PDE9A: variants seen among roughly 807,000 people sequenced by gnomAD.
PDE9A encodes phosphodiesterase 9A, also known as high affinity cGMP-specific 3',5'-cyclic phosphodiesterase 9A.
Under a neutral mutation model 87.4 loss-of-function variants are expected in PDE9A, and 60 were observed. The observed-to-expected ratio is 0.69, with a 90% CI of 0.56 to 0.85. The LOEUF (loss-of-function observed/expected upper bound fraction) is 0.85. PDE9A is among the 40% of genes least tolerant of loss of function. The probability of loss-of-function intolerance (pLI) is 0.00; values close to 1 mark genes in which losing one functional copy is unlikely to be tolerated. For missense variants in PDE9A, 665 were observed against 779.0 expected, an observed-to-expected ratio of 0.85 and a Z score of 1.74; for synonymous variants, 272 against 279.4, an observed-to-expected ratio of 0.97 and a Z score of 0.27.
At chr21:42,661,889 G>T (rs1364530221) in intron 1 of PDE9A, among the ~76,000 whole-genome samples, 1 of 152,192 alleles carries the variant, frequency 6.6e-6, no homozygotes, top group African/African-American at 2.4e-5. Flanking sequence ...GCTGCCCAGG[G>T]AAGACAGATG....
intron 2 of PDE9A, 71 bp downstream of exon 2, chr21:42,686,333 G>A (rs2059470067): frequency 1.5e-6 from 2 of 1,308,012 alleles, no homozygotes; most frequent in Non-Finnish European, 2.2e-6. Flanking sequence ...TGGCTGGGAG[G>A]GGCGGGAAGA....
Position 42,731,781 on chromosome 21 carries a change from G to C in PDE9A, c.274G>C (p.Asp92His), listed in dbSNP as rs2051786970. ...CCTGCTTTTTATAGCTGGTGTCGAGGACAAGAGAACCACAAGCCGTGGCCA... is the reference window on the plus strand; with the variant it reads ...CCTGCTTTTTATAGCTGGTGTCGAGCACAAGAGAACCACAAGCCGTGGCCA... ...AIKQLSAGVE[D>H]KRTTSRGQSA... is the part of the protein sequence containing the mutation. Residue 92 changes from aspartate to histidine, a missense_variant, in exon 5 of 20, where the codon GAC (aspartate) becomes CAC (histidine). Physicochemically the swap from Asp to His is moderately conservative, Grantham distance 81 (BLOSUM62 -1). Coordinates refer to ENST00000291539, the MANE Select transcript of PDE9A (RefSeq NM_002606.3). 3.7e-6 allele frequency: 6 copies of C among 1,612,792 alleles called. No individual in the cohort carries two copies. Among genetic ancestry groups the C allele is most frequent in the Admixed American group, 3.4e-5 (2 of 59,688 alleles).
At chr21:42,683,873 C>A (rs768222743) in intron 1 of PDE9A, among the ~76,000 whole-genome samples, 33 of 152,310 alleles carry the variant, frequency 2.2e-4, no homozygotes, top group East Asian at 3.9e-4. Context: ...GGATGTGGTG[C>A]CCTTTGTGCC....
At chr21:42,725,002 A>G (rs2050890438) in intron 4 of PDE9A, among the ~76,000 whole-genome samples, 1 of 152,172 alleles carries the variant, frequency 6.6e-6, no homozygotes, top group African/African-American at 2.4e-5. Flanking sequence ...CGCTGCTGTA[A>G]TGATGCATGC....
intron 10 of PDE9A, among the ~76,000 whole-genome samples, chr21:42,754,918 C>T (rs1056004090): frequency 1.3e-5 from 2 of 152,108 alleles, no homozygotes; most frequent in African/African-American, 4.8e-5. Flanking sequence ...TCTTTATTAA[C>T]AGTGTGAGAA....
chr21:42,758,943 G>A lies in PDE9A; in HGVS notation c.811-56G>A. On this transcript the variant is annotated intron_variant, in intron 10 of 19. Transcript: ENST00000291539. ...GGACAGCAGAGGGAAGGAAGCCAGG[G>A]GCTGGGGAGCCGGCCACACAACTGC... 4 of 1,370,642 alleles carry A rather than the reference G, an allele frequency of 2.9e-6. No homozygotes were observed. In the South Asian group the frequency reaches 3.5e-5, roughly 12 times the overall value. The allele number at this position is 1,370,642 out of a possible 1,614,324, so 84.9% of individuals were successfully genotyped here.
intron 19 of PDE9A, among the ~76,000 whole-genome samples, chr21:42,774,155 A>G (rs1296043322): frequency 6.6e-6 from 1 of 152,218 alleles, no homozygotes; most frequent in African/African-American, 2.4e-5. Context: ...AAATAAATAA[A>G]CAATAAATAA....
chr21:42,739,435 G>C lies in PDE9A; in HGVS notation c.569-4341G>C, dbSNP rs973360248. On this transcript the variant is annotated intron_variant, in intron 7 of 19. Coordinates refer to ENST00000291539, the MANE Select transcript of PDE9A (RefSeq NM_002606.3). The surrounding 1 kb of genome is among the most constrained non-coding windows in gnomAD (Gnocchi z 4.1). ...CAGGGAGTGAGGAGGCAGGACCCCC[G>C]GGGACACAGGCACACACATCCACCA... is the stretch of plus-strand genomic sequence containing the variant. 2.6e-5 allele frequency among the ~76,000 whole-genome samples: 4 copies of C among 152,282 alleles called. No homozygotes were observed. Among genetic ancestry groups the C allele is most frequent in the South Asian group, 2.1e-4 (1 of 4,828 alleles).
rs2284959 is a variant in PDE9A, at chr21:42,675,580, G to A, written c.70-10612G>A. On this transcript the variant is annotated intron_variant, in intron 1 of 19. Coordinates refer to ENST00000291539, the MANE Select transcript of PDE9A (RefSeq NM_002606.3). The surrounding 1 kb of genome is among the most constrained non-coding windows in gnomAD (Gnocchi z 4.3). ...TACCGCCAACCTGCTTTCCGACAGCGCTGTGTGGATACACGGGCCCGAACG... is the reference window on the plus strand; with the variant it reads ...TACCGCCAACCTGCTTTCCGACAGCACTGTGTGGATACACGGGCCCGAACG... Among the ~76,000 whole-genome samples, 11,366 of 152,284 alleles carry A rather than the reference G, an allele frequency of 0.075. 671 individuals are homozygous for A. The highest frequency in any genetic ancestry group is 0.33 in the East Asian group (1,694 of 5,162).
rs756467116 is a variant in PDE9A, at chr21:42,686,237, T to C, written c.115T>C (p.Phe39Leu). ...CAACTCCAGCGACATCATGGACCTG[T>C]TCTGCATCGCCACCGGCCTGCCTCG... ...YCNSSDIMDL[F>L]CIATGLPRNT... Residue 39 changes from phenylalanine (F) to leucine (L), a missense_variant, in exon 2 of 20, where the codon TTC becomes CTC. Phe to Leu is a conservative substitution (Grantham distance 22). Transcript: ENST00000291539. 4 of 1,613,750 alleles carry C rather than the reference T, an allele frequency of 2.5e-6. No homozygotes were observed. Among genetic ancestry groups the C allele is most frequent in the Non-Finnish European group, 3.4e-6 (4 of 1,179,806 alleles).
At chr21:42,721,956 A>T (rs1602266241) in intron 4 of PDE9A, among the ~76,000 whole-genome samples, 1 of 150,104 alleles carries the variant, frequency 6.7e-6, no homozygotes, top group East Asian at 2.0e-4. Flanking sequence ...CCTTTTCTGA[A>T]AGGATAGCAG....
intron 14 of PDE9A, among the ~76,000 whole-genome samples, chr21:42,763,886 A>G (rs545449841): frequency 1.3e-5 from 2 of 152,292 alleles, no homozygotes; most frequent in South Asian, 4.1e-4. Flanking sequence ...CCAGTGTAAA[A>G]AACTGAAGTC....
rs1266969605 is a variant in PDE9A, at chr21:42,704,354, G to A, written c.262+5343G>A. Among the ~76,000 whole-genome samples the A allele has an allele frequency of 6.6e-6, 1 of 151,526 alleles. No individual in the cohort carries two copies. The highest frequency in any genetic ancestry group is 1.9e-4 in the East Asian group (1 of 5,156). ...CCGCCTCTGGGTGCGTGGGGACCCCGCTCTCCAAATAGGCCAGTGTTCCAG... is the reference window on the plus strand; with the variant it reads ...CCGCCTCTGGGTGCGTGGGGACCCCACTCTCCAAATAGGCCAGTGTTCCAG... On this transcript the variant is annotated intron_variant, in intron 4 of 19. Coordinates refer to ENST00000291539, the MANE Select transcript of PDE9A (RefSeq NM_002606.3). This position sits in a 1 kb window ranked among gnomAD's most constrained non-coding sequence, Gnocchi z 5.3.
chr21:42,761,174 C>T (rs915420513), intron 13 of PDE9A, among the ~76,000 whole-genome samples: 8 of 152,228 alleles, frequency 5.3e-5, no homozygotes, highest in East Asian at 1.9e-4. Flanking sequence ...CTCAGGTGCA[C>T]GGCAGATCCC....
rs1162910638 is a variant in PDE9A at position 42,759,375 on chromosome 21, G to A, written c.897+290G>A. The stretch of plus-strand genomic sequence containing the variant: ...GCAGCATGTCCTAAAGCAGCGGTGT[G>A]TGGGAGCGTGTGTGTGTGTGTGGGA... On this transcript the variant is annotated intron_variant, in intron 11 of 19. Coordinates refer to ENST00000291539, the MANE Select transcript of PDE9A (RefSeq NM_002606.3). The surrounding 1 kb of genome is among the most constrained non-coding windows in gnomAD (Gnocchi z 7.2). Among the ~76,000 whole-genome samples the A allele has an allele frequency of 1.5e-5, 2 of 129,576 alleles. No homozygotes were observed. The highest frequency in any genetic ancestry group is 1.5e-4 in the Admixed American group (2 of 13,502). The allele number at this position is 129,576 out of a possible 152,430, so 85.0% of individuals were successfully genotyped here. A position where few individuals can be genotyped will look rare whatever the true frequency, so the allele number is the denominator to read the frequency against.
In PDE9A at chr21:42,714,067, G is replaced by A. The variant is rs1691915945; in HGVS notation, c.262+15056G>A. On this transcript the variant is annotated intron_variant, in intron 4 of 19. Transcript: ENST00000291539. ...GGAGTCTCACTTTGTCGCCCAGGCTGGAGTGCAGTGGTGCAATCTTGGCTC... is the reference window on the plus strand; with the variant it reads ...GGAGTCTCACTTTGTCGCCCAGGCTAGAGTGCAGTGGTGCAATCTTGGCTC... Among the ~76,000 whole-genome samples, 4 of 129,376 alleles carry A rather than the reference G, an allele frequency of 3.1e-5. No homozygotes were observed. In the South Asian group the frequency reaches 9.4e-4, roughly 30 times the overall value. The allele number at this position is 129,376 out of a possible 152,430, so 84.9% of individuals were successfully genotyped here. A position where few individuals can be genotyped will look rare whatever the true frequency, so the allele number is the denominator to read the frequency against.
intron 18 of PDE9A, among the ~76,000 whole-genome samples, chr21:42,772,118 AAGG>A (rs1388393352): frequency 6.6e-6 from 1 of 152,102 alleles, no homozygotes; most frequent in Admixed American, 6.5e-5. Context: ...CCCCCACAAA[AAGG>A]AGAGACACGC....
chr21:42,676,076 A>G (rs1569129981), intron 1 of PDE9A, among the ~76,000 whole-genome samples: 1 of 152,144 alleles, frequency 6.6e-6, no homozygotes, highest in Non-Finnish European at 1.5e-5. Flanking sequence ...TCCCTTCATC[A>G]TGTGATATGC....
intron 18 of PDE9A, among the ~76,000 whole-genome samples, chr21:42,772,178 C>A (rs2057081777): frequency 6.6e-6 from 1 of 152,228 alleles, no homozygotes; most frequent in Admixed American, 6.5e-5. Context: ...CTGCACACAC[C>A]ACCAGTCCCC....
Sources: allele counts gnomAD v4.1 joint callset (sites outside exome capture counted in the v4.1 genomes callset), GRCh38; gene constraint gnomAD v4.1.1; non-coding constraint Gnocchi (gnomAD v3.1); transcripts MANE v1.5; gene names NCBI Gene and HGNC (gene_info 2026-07-23, HGNC 2026-07-21).